The following ARHGAP24 variants were observed in gnomAD, a reference collection of about 807,000 sequenced individuals.
ARHGAP24 encodes the protein rho GTPase-activating protein 24.
ARHGAP24 carries 50 observed loss-of-function variants against 76.4 expected under a neutral mutation model. That is an observed-to-expected ratio of 0.65 (90% confidence interval 0.52 to 0.83). The LOEUF (loss-of-function observed/expected upper bound fraction) is 0.83. Ranked by LOEUF, ARHGAP24 falls within the 40% of genes least tolerant of loss-of-function variation. ARHGAP24 has a pLI of 0.00. For missense variants in ARHGAP24, 930 were observed against 914.2 expected, an observed-to-expected ratio of 1.02 and a Z score of -0.22; for synonymous variants, 345 against 323.3, an observed-to-expected ratio of 1.07 and a Z score of -0.72.
intron 2 of ARHGAP24, among the ~76,000 whole-genome samples, chr4:85,627,453 C>T (rs898658444): frequency 6.6e-6 from 1 of 152,074 alleles, no homozygotes. Flanking sequence ...CAGAGGAGTA[C>T]CCGGCCGTGT....
At chr4:85,619,177 G>A (rs1720628744) in intron 2 of ARHGAP24, among the ~76,000 whole-genome samples, 3 of 151,890 alleles carry the variant, frequency 2.0e-5, no homozygotes, top group Admixed American at 2.0e-4. Flanking sequence ...AAATTCCTCT[G>A]CTTTCAGATA....
intron 5 of ARHGAP24, among the ~76,000 whole-genome samples, chr4:85,957,372 G>A (rs1019280117): frequency 5.3e-5 from 8 of 152,140 alleles, no homozygotes; most frequent in Admixed American, 5.2e-4. Context: ...ACAATGACAA[G>A]AACATGTTAT....
chr4:85,923,577 G>C, intron 3 of ARHGAP24, 71 bp from the exon 4 acceptor site: 1 of 1,603,926 alleles, frequency 6.2e-7, no homozygotes, highest in Non-Finnish European at 8.5e-7. Context: ...TGTTTCAGGG[G>C]TTCTTCTGGA....
At chr4:85,484,091 G>A (rs796824386) in intron 1 of ARHGAP24, among the ~76,000 whole-genome samples, 11 of 152,280 alleles carry the variant, frequency 7.2e-5, no homozygotes, top group East Asian at 1.9e-4. Flanking sequence ...CTTCAATTTC[G>A]TGTAGGTTTT....
intron 1 of ARHGAP24, among the ~76,000 whole-genome samples, chr4:85,494,008 A>G (rs566741953): frequency 6.6e-6 from 1 of 152,202 alleles, no homozygotes; most frequent in East Asian, 1.9e-4. Flanking sequence ...AAGGAAAACT[A>G]TGGTGACTTC....
intron 4 of ARHGAP24, among the ~76,000 whole-genome samples, chr4:85,937,336 C>T (rs543089716): frequency 3.3e-5 from 5 of 152,186 alleles, no homozygotes; most frequent in African/African-American, 4.8e-5. Flanking sequence ...GATTAAAAGA[C>T]ACAGAACAGG....
chr4:85,977,600 AG>A lies in ARHGAP24; in HGVS notation c.838del (p.Val280LeufsTer4). ...TGGATGAAGTACAGTCCTACTCGGG[AG>A]TTAACAAAATGAGTGTGCAGAACTT... ...FLDEVQSYSG[V>X]NKMSVQNLAT... On this transcript the variant is annotated frameshift_variant, in exon 8 of 10. Coordinates refer to ENST00000395184, the MANE Select transcript of ARHGAP24 (RefSeq NM_001025616.3). LOFTEE classifies it high-confidence loss of function. 1 of 1,613,872 alleles carries A rather than the reference AG, an allele frequency of 6.2e-7. No individual in the cohort carries two copies. The highest frequency in any genetic ancestry group is 8.5e-7 in the Non-Finnish European group (1 of 1,179,792).
chr4:85,753,720 T>C (rs1360508117), intron 3 of ARHGAP24, among the ~76,000 whole-genome samples: 2 of 152,202 alleles, frequency 1.3e-5, no homozygotes, highest in African/African-American at 4.8e-5. Flanking sequence ...TGTATAGCAA[T>C]AGTTTTTTCT....
chr4:85,672,171 C>T (rs1722836450), intron 2 of ARHGAP24, among the ~76,000 whole-genome samples: 1 of 152,068 alleles, frequency 6.6e-6, no homozygotes, highest in African/African-American at 2.4e-5. Flanking sequence ...ATACTTAGCC[C>T]TGTACATAAA....
intron 1 of ARHGAP24, among the ~76,000 whole-genome samples, chr4:85,498,639 A>G (rs1418775435): frequency 6.6e-6 from 1 of 152,224 alleles, no homozygotes; most frequent in African/African-American, 2.4e-5. Context: ...AAGTGAAGAG[A>G]CTAAAGACAG....
chr4:85,654,181 A>AGTT (rs1722048417), intron 2 of ARHGAP24, among the ~76,000 whole-genome samples: 1 of 152,146 alleles, frequency 6.6e-6, no homozygotes, highest in African/African-American at 2.4e-5. Flanking sequence ...GTGCTGGCAG[A>AGTT]GTTGGGTTCC....
intron 3 of ARHGAP24, among the ~76,000 whole-genome samples, chr4:85,779,575 AT>A (rs1727445964): frequency 6.6e-6 from 1 of 151,946 alleles, no homozygotes; most frequent in Admixed American, 6.6e-5. Flanking sequence ...TTTATTCATT[AT>A]TTTTTAAAAA....
At chr4:85,995,806 C>G (rs1205895668) in intron 9 of ARHGAP24, 149 bp downstream of exon 9, 2 of 787,104 alleles carry the variant, frequency 2.5e-6, no homozygotes, top group African/African-American at 3.4e-5. Context: ...TGACTGTGTG[C>G]AAGTTAGCTT....
chr4:85,667,171 G>C (rs1444193176), intron 2 of ARHGAP24, among the ~76,000 whole-genome samples: 2 of 152,218 alleles, frequency 1.3e-5, no homozygotes, highest in Non-Finnish European at 2.9e-5. Context: ...CTTCCCAGCT[G>C]TTTTGTTTAC....
intron 4 of ARHGAP24, 114 bp from the exon 5 acceptor site, chr4:85,941,952 G>C: frequency 9.8e-7 from 1 of 1,023,724 alleles, no homozygotes; most frequent in South Asian, 1.4e-5. Context: ...TGAATGTTAA[G>C]TGCTTGCTAG....
At chr4:85,955,850 G>A (rs756787778) in intron 5 of ARHGAP24, among the ~76,000 whole-genome samples, 1 of 152,112 alleles carries the variant, frequency 6.6e-6, no homozygotes, top group Admixed American at 6.5e-5. Context: ...TATTTTCTGG[G>A]GTATAGAGTT....
At chr4:85,678,393 G>A (rs1189435905) in intron 2 of ARHGAP24, among the ~76,000 whole-genome samples, 4 of 151,902 alleles carry the variant, frequency 2.6e-5, no homozygotes, top group Admixed American at 6.6e-5. Flanking sequence ...CAAGCAAAAG[G>A]GCTATTTTCT....
At chr4:85,706,368 G>A (rs902611673) in intron 2 of ARHGAP24, among the ~76,000 whole-genome samples, 2 of 152,042 alleles carry the variant, frequency 1.3e-5, no homozygotes, top group African/African-American at 2.4e-5. Context: ...AACTGATAAT[G>A]TAAAATTTCA....
At chr4:85,810,290 A>T (rs889533142) in intron 3 of ARHGAP24, among the ~76,000 whole-genome samples, 2 of 152,216 alleles carry the variant, frequency 1.3e-5, no homozygotes, top group African/African-American at 4.8e-5. Context: ...TCACATGTGA[A>T]ATAACAGGAA....
Sources: allele counts gnomAD v4.1 joint callset (sites outside exome capture counted in the v4.1 genomes callset), GRCh38; gene constraint gnomAD v4.1.1; transcripts MANE v1.5; gene names NCBI Gene and HGNC (gene_info 2026-07-23, HGNC 2026-07-21).